Variants in ARHGEF40 observed in about 807,000 individuals in gnomAD.
The protein encoded by ARHGEF40 is Rho guanine nucleotide exchange factor (GEF) 40.
ARHGEF40 carries 98 observed loss-of-function variants against 165.9 expected under a neutral mutation model. The ratio of observed to expected loss-of-function variants is 0.59; its 90% CI spans 0.50 to 0.70. ARHGEF40 has a LOEUF of 0.70. Ranked by LOEUF, ARHGEF40 falls within the 30% of genes least tolerant of loss-of-function variation. ARHGEF40 has a pLI of 0.00. For missense variants in ARHGEF40, 1,815 were observed against 1,968.0 expected, an observed-to-expected ratio of 0.92 and a Z score of 1.47; for synonymous variants, 792 against 814.3, an observed-to-expected ratio of 0.97 and a Z score of 0.47.
chr14:21,070,276 C>T, upstream of ARHGEF40: 1 of 1,088,820 alleles, frequency 9.2e-7, no homozygotes, highest in Non-Finnish European at 1.2e-6. This position sits in a 1 kb window ranked among gnomAD's most constrained non-coding sequence, Gnocchi z 4.7. Context: ...GGCCGAGCCG[C>T]CACCGCGGCC....
Position 21,075,802 on chromosome 14 carries a change from C to A in ARHGEF40, c.1739+37C>A. ...CCAGTCCTGGCACCCTGGACACTAA[C>A]CTCCTGATTCATGAGGACCCTCACC... On this transcript the variant is annotated intron_variant, in intron 5 of 23. Transcript: ENST00000298694. The surrounding 1 kb of genome is among the most constrained non-coding windows in gnomAD (Gnocchi z 4.5). The A allele has an allele frequency of 6.3e-7, 1 of 1,597,428 alleles. No homozygotes were observed. The highest frequency in any genetic ancestry group is 8.5e-7 in the Non-Finnish European group (1 of 1,170,296).
rs746853811 is a variant in ARHGEF40, at chr14:21,078,492, C to T, written c.2246+4C>T. The T allele has an allele frequency of 2.1e-5, 33 of 1,575,850 alleles. No homozygotes were observed. The Admixed American group carries it at 2.1e-4, about 10-fold the overall frequency. ...TGCGCTCCACTCCCAGCAGCAAGTA[C>T]GAAGTATGGGTGTGCGGAGGCAGGT... On this transcript the variant is annotated splice_donor_region_variant and intron_variant, in intron 10 of 23. Transcript: ENST00000298694.
chr14:21,064,739 C>A, the ARHGEF40 span, among the ~76,000 whole-genome samples: 2 of 152,232 alleles, frequency 1.3e-5, no homozygotes, highest in Non-Finnish European at 2.9e-5. Context: ...GAAAGAGTTT[C>A]TGGGTTTGTA....
At chr14:21,084,709 C>G in intron 17 of ARHGEF40, 44 bp from the exon 18 acceptor site, 1 of 1,580,880 alleles carries the variant, frequency 6.3e-7, no homozygotes, top group African/African-American at 1.4e-5. Flanking sequence ...AAAATACAAA[C>G]AAAGGGCCCC....
Position 21,087,395 on chromosome 14 carries a change from G to T in ARHGEF40, c.4319G>T (p.Gly1440Val), listed in dbSNP as rs772353420. ...AGPSLPGLSP[G>V]ACSLPARVEE... ...CCCTCCCTTCCCGGCCTTTCGCCGG[G>T]AGCCTGCTCCCTGCCTGCCCGCGTC... Residue 1440 changes from glycine to valine, a missense_variant, in exon 21 of 24, where the codon GGA (glycine) becomes GTA (valine). Gly to Val is a moderately radical substitution (Grantham distance 109). Coordinates refer to ENST00000298694, the MANE Select transcript of ARHGEF40 (RefSeq NM_018071.5). The T allele has an allele frequency of 2.5e-6, 4 of 1,602,956 alleles. No individual in the cohort carries two copies. Among genetic ancestry groups the T allele is most frequent in the Non-Finnish European group, 3.4e-6 (4 of 1,179,912 alleles).
chr14:21,078,048 C>T lies in ARHGEF40; in HGVS notation c.2035-129C>T, dbSNP rs924206239. The T allele has an allele frequency of 1.0e-5, 8 of 765,270 alleles. No homozygotes were observed. The East Asian group carries it at 2.0e-4, about 19-fold the overall frequency. The allele number at this position is 765,270 out of a possible 1,614,324, so 47.4% of individuals were successfully genotyped here. A position where few individuals can be genotyped will look rare whatever the true frequency, so the allele number is the denominator to read the frequency against. Reference sequence around the variant, plus strand: ...TGCCCAACCTCATACAATTAGTTAGCAACAAAGTCAGGAACTGAATTCAGC... The same window carrying T: ...TGCCCAACCTCATACAATTAGTTAGTAACAAAGTCAGGAACTGAATTCAGC... On this transcript the variant is annotated intron_variant, in intron 8 of 23. Transcript: ENST00000298694.
chr14:21,089,061 G>T lies in ARHGEF40; in HGVS notation c.*53G>T. The T allele has an allele frequency of 1.7e-6, 1 of 571,510 alleles. No individual in the cohort carries two copies. 35.4% of individuals were successfully genotyped at this position (571,510 alleles called of 1,614,324 possible). A position where few individuals can be genotyped will look rare whatever the true frequency, so the allele number is the denominator to read the frequency against. On this transcript the variant is annotated 3_prime_UTR_variant, in exon 24 of 24. Coordinates refer to ENST00000298694, the MANE Select transcript of ARHGEF40 (RefSeq NM_018071.5). Reference sequence around the variant, plus strand: ...AGCTTCTCCTCTCAGCACACTTTGGGCTGGGATGGCAGTGGGGCATAATGG... The same window carrying T: ...AGCTTCTCCTCTCAGCACACTTTGGTCTGGGATGGCAGTGGGGCATAATGG...
chr14:21,070,431 C>G lies in ARHGEF40; in HGVS notation c.3+32C>G. 46 of 1,400,110 alleles carry G rather than the reference C, an allele frequency of 3.3e-5. No individual in the cohort carries two copies. Among genetic ancestry groups the G allele is most frequent in the Non-Finnish European group, 4.1e-5 (45 of 1,085,858 alleles). The allele number at this position is 1,400,110 out of a possible 1,614,324, so 86.7% of individuals were successfully genotyped here. A position where few individuals can be genotyped will look rare whatever the true frequency, so the allele number is the denominator to read the frequency against. On this transcript the variant is annotated intron_variant, in intron 1 of 23. Coordinates refer to ENST00000298694, the MANE Select transcript of ARHGEF40 (RefSeq NM_018071.5). The surrounding 1 kb of genome is among the most constrained non-coding windows in gnomAD (Gnocchi z 4.7). ...CCAGCGTCGCAGCCCCCTGGGTCCCCTCGGCCTTCGCGCAGCCCGCTCCGG... is the reference window on the plus strand; with the variant it reads ...CCAGCGTCGCAGCCCCCTGGGTCCCGTCGGCCTTCGCGCAGCCCGCTCCGG...
Position 21,081,704 on chromosome 14 carries a change from CA to C in ARHGEF40, c.2838del (p.Glu947SerfsTer2). On this transcript the variant is annotated frameshift_variant, in exon 14 of 24. Coordinates refer to ENST00000298694, the MANE Select transcript of ARHGEF40 (RefSeq NM_018071.5). LOFTEE classifies it high-confidence loss of function. ...ATGGGGCCGCTGCCAGGCCCGCTGC[CA>C]AGAGCTAGAGAGGAGGATCCAGCAA... ...REWGRCQARC[Q>X]ELERRIQQHV... 1.3e-6 allele frequency: 2 copies of C among 1,580,678 alleles called. No individual in the cohort carries two copies. Among genetic ancestry groups the C allele is most frequent in the Non-Finnish European group, 1.7e-6 (2 of 1,163,554 alleles).
In ARHGEF40 at chr14:21,074,855, A is replaced by G; in HGVS notation, c.1125A>G (p.Thr375=). The change falls in exon 3 of 24, where the codon ACA becomes ACG. Residue 375 remains threonine, a synonymous_variant. Coordinates refer to ENST00000298694, the MANE Select transcript of ARHGEF40 (RefSeq NM_018071.5). The surrounding 1 kb of genome is among the most constrained non-coding windows in gnomAD (Gnocchi z 4.8). ...GACCACCTGGTACCCCTCGGAGAAC[A>G]GGCAAAGGAAACAGAAGAAAGAAGC... The part of the protein sequence containing the change: ...AEGPPGTPRR[T]GKGNRRKKRA... The G allele has an allele frequency of 6.2e-7, 1 of 1,610,336 alleles. No individual in the cohort carries two copies. The highest frequency in any genetic ancestry group is 1.1e-5 in the South Asian group (1 of 90,684).
At chr14:21,076,504 C>T (rs2139224104) in intron 6 of ARHGEF40, 48 bp downstream of exon 6, 1 of 1,613,504 alleles carries the variant, frequency 6.2e-7, no homozygotes, top group Non-Finnish European at 8.5e-7. Flanking sequence ...AACTCTTCAC[C>T]AGTGGCCAGT....
rs770790605 is a variant in ARHGEF40, at chr14:21,081,013, G to A, written c.2637G>A (p.Gln879=). 5.6e-6 allele frequency: 9 copies of A among 1,611,944 alleles called. No individual in the cohort carries two copies. Among genetic ancestry groups the A allele is most frequent in the Non-Finnish European group, 7.6e-6 (9 of 1,179,000 alleles). The change falls in exon 13 of 24, where the codon CAG becomes CAA. Residue 879 remains glutamine (Q), a synonymous_variant. Transcript: ENST00000298694. The part of the protein sequence containing the change: ...HRALRLQRFF[Q]QAHEWVDEGF... ...CCCTGCGGCTACAGCGCTTCTTCCA[G>A]CAGGTGCATGCAGAGCCTTTTCCTT... is the stretch of plus-strand genomic sequence containing the variant.
At chr14:21,080,587 C>T (rs1217580157) in intron 11 of ARHGEF40, 73 bp from the exon 12 acceptor site, 3 of 1,518,012 alleles carry the variant, frequency 2.0e-6, no homozygotes, top group African/African-American at 2.8e-5. Flanking sequence ...GGTGGTGGGG[C>T]TGATGCTGGA....
chr14:21,077,909 T>C (rs1392561339), intron 8 of ARHGEF40, among the ~76,000 whole-genome samples: 1 of 152,182 alleles, frequency 6.6e-6, no homozygotes, highest in Non-Finnish European at 1.5e-5. Flanking sequence ...AGCTGTACAA[T>C]GTGCCAGGCC....
Position 21,078,373 on chromosome 14 carries a change from G to A in ARHGEF40, c.2131G>A (p.Glu711Lys), listed in dbSNP as rs1368631861. Reference sequence around the variant, plus strand: ...ACTGGCAACTCCTCCCTATCCCCAGGAGGCAGTGGGAATGCCCAAGCCACT... The same window carrying A: ...ACTGGCAACTCCTCCCTATCCCCAGAAGGCAGTGGGAATGCCCAAGCCACT... ...LEGAAEPEEE[E>K]AVGMPKPLQK... The change falls in exon 10 of 24, where the codon GAG becomes AAG. Residue 711 changes from glutamate to lysine, a missense_variant and splice_region_variant. Physicochemically the swap from Glu to Lys is moderately conservative, Grantham distance 56 (BLOSUM62 1). Transcript: ENST00000298694. The A allele has an allele frequency of 1.2e-6, 2 of 1,603,636 alleles. No homozygotes were observed. Among genetic ancestry groups the A allele is most frequent in the Admixed American group, 3.4e-5 (2 of 59,428 alleles).
intron 11 of ARHGEF40, among the ~76,000 whole-genome samples, chr14:21,079,638 C>G (rs1411697922): frequency 6.6e-6 from 1 of 152,156 alleles, no homozygotes; most frequent in African/African-American, 2.4e-5. Context: ...TCCTCCTTAG[C>G]CCCGAGCATG....
At chr14:21,086,092 G>A in intron 19 of ARHGEF40, 1 of 522,548 alleles carries the variant, frequency 1.9e-6, no homozygotes. Context: ...AGAGCAAGTA[G>A]GGGCCAGGTG....
chr14:21,075,903 A>AC lies in ARHGEF40; in HGVS notation c.1739+140dup. ...TCAACCTTCAGACTTCAAGCCATTG[A>AC]CCTTTGGCCTTACTTACCCTGACCT... On this transcript the variant is annotated intron_variant, in intron 5 of 23. Coordinates refer to ENST00000298694, the MANE Select transcript of ARHGEF40 (RefSeq NM_018071.5). This position sits in a 1 kb window ranked among gnomAD's most constrained non-coding sequence, Gnocchi z 4.5. The AC allele has an allele frequency of 1.8e-6, 2 of 1,140,632 alleles. No individual in the cohort carries two copies. Among genetic ancestry groups the AC allele is most frequent in the Admixed American group, 5.6e-5 (2 of 36,018 alleles). 70.7% of individuals were successfully genotyped at this position (1,140,632 alleles called of 1,614,324 possible).
At position 21,070,369 on chromosome 14, in the gene ARHGEF40, A is replaced by T; in HGVS notation, c.-28A>T. On this transcript the variant is annotated 5_prime_UTR_variant, in exon 1 of 24. It adds an upstream start codon to the 5' untranslated region. Transcript: ENST00000298694. The surrounding 1 kb of genome is among the most constrained non-coding windows in gnomAD (Gnocchi z 4.7). ...GCGCCCGGCCCCGCCCGCCCGACCA[A>T]GCGTCGGACGCGGCCCGGCGCCGAG... The T allele has an allele frequency of 7.1e-7, 1 of 1,408,478 alleles. No homozygotes were observed. Among genetic ancestry groups the T allele is most frequent in the Non-Finnish European group, 9.2e-7 (1 of 1,089,168 alleles). The allele number at this position is 1,408,478 out of a possible 1,614,324, so 87.2% of individuals were successfully genotyped here.
Sources: gnomAD v4.1 joint callset for allele counts (sites outside exome capture counted in the v4.1 genomes callset) on GRCh38, gnomAD v4.1.1 for gene constraint, Gnocchi (gnomAD v3.1) non-coding constraint, MANE v1.5 for transcripts, NCBI Gene and HGNC (gene_info 2026-07-23, HGNC 2026-07-21) for gene names.